Variants in ZZZ3 observed in about 807,000 individuals in gnomAD.
ZZZ3 encodes zinc finger ZZ-type containing 3, also known as ZZ-type zinc finger-containing protein 3.
ZZZ3 carries 22 observed loss-of-function variants against 95.2 expected under a neutral mutation model. The ratio of observed to expected loss-of-function variants is 0.23; its 90% CI spans 0.17 to 0.33. The LOEUF (loss-of-function observed/expected upper bound fraction) is 0.33. Ranked by LOEUF, ZZZ3 falls within the 10% of genes least tolerant of loss-of-function variation. The pLI, the probability that ZZZ3 is intolerant of heterozygous loss-of-function variation, is 1.00. For missense variants in ZZZ3, 885 were observed against 1,066.5 expected, an observed-to-expected ratio of 0.83 and a Z score of 2.37; for synonymous variants, 335 against 358.9, an observed-to-expected ratio of 0.93 and a Z score of 0.75.
intron 5 of ZZZ3, among the ~76,000 whole-genome samples, chr1:77,621,323 A>C (rs1666833404): frequency 6.6e-6 from 1 of 151,594 alleles, no homozygotes; most frequent in South Asian, 2.1e-4. Flanking sequence ...CTACAAAAAA[A>C]TTAAATAAAA....
intron 1 of ZZZ3, among the ~76,000 whole-genome samples, chr1:77,659,028 G>A (rs1670544038): frequency 1.3e-5 from 2 of 152,098 alleles, no homozygotes; most frequent in Admixed American, 1.3e-4. Context: ...AGACCAGCCT[G>A]AACAACATGG....
intron 1 of ZZZ3, among the ~76,000 whole-genome samples, chr1:77,667,583 ATCT>A (rs982493771): frequency 3.9e-5 from 6 of 151,976 alleles, no homozygotes; most frequent in Non-Finnish European, 7.4e-5. Flanking sequence ...ATTCCTAATT[ATCT>A]TCTTTTTTTC....
chr1:77,662,148 C>A (rs191873032), intron 1 of ZZZ3, among the ~76,000 whole-genome samples: 1 of 151,848 alleles, frequency 6.6e-6, no homozygotes, highest in Non-Finnish European at 1.5e-5. Context: ...CAAGTAGCTG[C>A]GACTACAGGC....
chr1:77,623,961 T>C (rs867039496), intron 5 of ZZZ3, among the ~76,000 whole-genome samples: 6 of 151,788 alleles, frequency 4.0e-5, no homozygotes, highest in African/African-American at 1.5e-4. Flanking sequence ...ACAACACAGA[T>C]CTTCCCATTT....
intron 1 of ZZZ3, among the ~76,000 whole-genome samples, chr1:77,663,172 G>A (rs1288476170): frequency 6.6e-6 from 1 of 151,960 alleles, no homozygotes; most frequent in Non-Finnish European, 1.5e-5. Flanking sequence ...GGAGAGACAT[G>A]AAATCAAATG....
chr1:77,614,992 G>A (rs1442720418), intron 5 of ZZZ3: 15 of 152,246 alleles, frequency 9.9e-5, no homozygotes, highest in Non-Finnish European at 1.9e-4. Context: ...TTAACTGAAT[G>A]GGGTAGCAGT....
In ZZZ3 at chr1:77,633,016, T is replaced by C; in HGVS notation, c.339A>G (p.Ser113=). Residue 113 remains serine (S), a synonymous_variant, in exon 5 of 15, where the codon TCA becomes TCG. Coordinates refer to ENST00000370801, the MANE Select transcript of ZZZ3 (RefSeq NM_015534.6). ...NCERRQTEPV[S]PVLKRIKRCL... is the part of the protein sequence containing the mutation. ...AACGCTTAATTCTTTTTAAAACTGG[T>C]GAAACAGGTTCTGTTTGCCTTCTCT... 6.2e-7 allele frequency: 1 copy of C among 1,614,014 alleles called. No homozygotes were observed. The highest frequency in any genetic ancestry group is 8.5e-7 in the Non-Finnish European group (1 of 1,180,012).
In ZZZ3 at chr1:77,632,503, A is replaced by C; in HGVS notation, c.852T>G (p.Thr284=). The change falls in exon 5 of 15, where the codon ACT becomes ACG. Residue 284 remains threonine, a synonymous_variant. Coordinates refer to ENST00000370801, the MANE Select transcript of ZZZ3 (RefSeq NM_015534.6). ...TAACATGTTCCACAGGCAAGCAGGC[A>C]GTTACTATTTTGTGGTCCTCCAACT... ...QVKLEDHKIV[T]ACLPVEHVNQ... is the part of the protein sequence containing the mutation. 6.2e-7 allele frequency: 1 copy of C among 1,614,190 alleles called. No homozygotes were observed. The highest frequency in any genetic ancestry group is 8.5e-7 in the Non-Finnish European group (1 of 1,180,016).
chr1:77,682,326 T>C (rs115609608), intron 1 of ZZZ3, among the ~76,000 whole-genome samples: 2,028 of 152,210 alleles, frequency 0.013, 40 homozygotes, highest in African/African-American at 0.047. Flanking sequence ...CGGTATCCAA[T>C]GGAATCATCA....
At chr1:77,660,724 C>A (rs1188614767) in intron 1 of ZZZ3, among the ~76,000 whole-genome samples, 4 of 152,148 alleles carry the variant, frequency 2.6e-5, no homozygotes, top group African/African-American at 9.7e-5. Context: ...CAGGAATAAC[C>A]CAGATATGGA....
intron 5 of ZZZ3, among the ~76,000 whole-genome samples, chr1:77,623,264 T>C (rs890605824): frequency 1.2e-4 from 19 of 152,100 alleles, no homozygotes; most frequent in Admixed American, 2.6e-4. Context: ...CTGAAGCGGC[T>C]AGAATTTGTG....
intron 5 of ZZZ3, among the ~76,000 whole-genome samples, chr1:77,618,219 T>C (rs1284846549): frequency 6.9e-6 from 1 of 144,666 alleles, no homozygotes; most frequent in Non-Finnish European, 1.5e-5. Flanking sequence ...TCTAGAAGAG[T>C]AGACCAATGC....
At position 77,565,697 on chromosome 1, in the gene ZZZ3, C is replaced by T; in HGVS notation, c.2655G>A (p.Val885=). ...GGTAATTGTAACTGGTGCCCTGAGA[C>T]ACACAGTAGTCTCTGTCTAAGAATG... The part of the protein sequence containing the change: ...SETFLDRDYC[V]SQGTSYNYLD... Residue 885 remains valine (V), a synonymous_variant, in exon 15 of 15, where the codon GTG becomes GTA. Coordinates refer to ENST00000370801, the MANE Select transcript of ZZZ3 (RefSeq NM_015534.6). 6.2e-7 allele frequency: 1 copy of T among 1,613,904 alleles called. No homozygotes were observed. Among genetic ancestry groups the T allele is most frequent in the Non-Finnish European group, 8.5e-7 (1 of 1,179,818 alleles).
intron 1 of ZZZ3, among the ~76,000 whole-genome samples, chr1:77,648,779 T>C (rs1669533262): frequency 6.6e-6 from 1 of 152,124 alleles, no homozygotes; most frequent in Non-Finnish European, 1.5e-5. Flanking sequence ...GAAAAAATAC[T>C]GTAAGAAATG....
At chr1:77,631,410 A>G (rs1351685827) in intron 5 of ZZZ3, among the ~76,000 whole-genome samples, 1 of 152,204 alleles carries the variant, frequency 6.6e-6, no homozygotes, top group Non-Finnish European at 1.5e-5. Context: ...TGGGAATTAA[A>G]TGTAAGTAAG....
chr1:77,578,921 G>C (rs760579590), intron 10 of ZZZ3, 52 bp from the exon 11 acceptor site: 2 of 1,206,072 alleles, frequency 1.7e-6, no homozygotes, highest in Non-Finnish European at 2.3e-6. Context: ...TACAATACCT[G>C]AGTCGTTTTT....
intron 5 of ZZZ3, among the ~76,000 whole-genome samples, chr1:77,617,780 A>C (rs1435684014): frequency 6.6e-6 from 1 of 151,462 alleles, no homozygotes; most frequent in Non-Finnish European, 1.5e-5. Flanking sequence ...TCTACTGAAA[A>C]AAAAAAAAAA....
At chr1:77,588,911 C>T (rs987776147) in intron 5 of ZZZ3, among the ~76,000 whole-genome samples, 3 of 152,188 alleles carry the variant, frequency 2.0e-5, no homozygotes, top group Non-Finnish European at 2.9e-5. Context: ...GACAGGGAGT[C>T]GCTGTGTTAC....
intron 1 of ZZZ3, among the ~76,000 whole-genome samples, chr1:77,647,273 C>T (rs1163019847): frequency 6.6e-6 from 1 of 152,142 alleles, no homozygotes; most frequent in Non-Finnish European, 1.5e-5. Context: ...ACTCCCAGCA[C>T]TTTGGGAGGC....
Sources: gnomAD v4.1 joint callset for allele counts (sites outside exome capture counted in the v4.1 genomes callset) on GRCh38, gnomAD v4.1.1 for gene constraint, MANE v1.5 for transcripts, NCBI Gene and HGNC (gene_info 2026-07-23, HGNC 2026-07-21) for gene names.